The following UNC13C variants were observed in gnomAD, a reference collection of about 807,000 sequenced individuals.
UNC13C encodes the protein protein unc-13 homolog C.
Under a neutral mutation model 245.4 loss-of-function variants are expected in UNC13C, and 174 were observed. The ratio of observed to expected loss-of-function variants is 0.71; its 90% CI spans 0.63 to 0.80. The LOEUF is 0.80. UNC13C is among the 30% of genes least tolerant of loss of function. The probability of loss-of-function intolerance (pLI) is 0.00; values close to 1 mark genes in which losing one functional copy is unlikely to be tolerated. For synonymous variants in UNC13C, 992 were observed against 895.1 expected (o/e 1.11, Z -1.93); for missense variants, 2,829 against 2,602.9 (o/e 1.09, Z -1.89).
intron 2 of UNC13C, among the ~76,000 whole-genome samples, chr15:54,127,713 A>G (rs58011781): frequency 0.016 from 2,286 of 143,504 alleles, 60 homozygotes; most frequent in African/African-American, 0.056. Context: ...GTGTGTGTGT[A>G]TATATATATA....
intron 4 of UNC13C, among the ~76,000 whole-genome samples, chr15:54,145,198 G>A (rs905416680): frequency 6.6e-6 from 1 of 151,738 alleles, no homozygotes; most frequent in Non-Finnish European, 1.5e-5. Flanking sequence ...AAAATTTAGA[G>A]GCATGTTTTA....
At chr15:53,948,997 C>T in the UNC13C span, among the ~76,000 whole-genome samples, 1 of 152,142 alleles carries the variant, frequency 6.6e-6, no homozygotes, top group African/African-American at 2.4e-5. Flanking sequence ...ATTTATTGTG[C>T]TAGGCCCTGT....
At chr15:54,027,814 A>G (rs1170825701) in intron 2 of UNC13C, among the ~76,000 whole-genome samples, 12 of 148,390 alleles carry the variant, frequency 8.1e-5, no homozygotes, top group Admixed American at 3.4e-4. Context: ...GCTTTTCAGC[A>G]TCTGAATTCC....
intron 22 of UNC13C, among the ~76,000 whole-genome samples, chr15:54,505,447 A>G (rs1338321414): frequency 2.0e-5 from 3 of 152,204 alleles, no homozygotes; most frequent in Non-Finnish European, 4.4e-5. Context: ...TTAGGATAGG[A>G]CCAAATAATG....
intron 31 of UNC13C, among the ~76,000 whole-genome samples, chr15:54,622,990 G>T (rs1186045098): frequency 6.6e-6 from 1 of 152,044 alleles, no homozygotes; most frequent in Non-Finnish European, 1.5e-5. Context: ...ATTACATATT[G>T]TATCTTTACA....
intron 10 of UNC13C, among the ~76,000 whole-genome samples, chr15:54,291,583 A>G (rs2037300804): frequency 6.6e-6 from 1 of 151,988 alleles, no homozygotes; most frequent in Non-Finnish European, 1.5e-5. Flanking sequence ...TCTTATAGCT[A>G]ATATGGATGA....
intron 17 of UNC13C, among the ~76,000 whole-genome samples, chr15:54,339,559 T>C (rs997435857): frequency 1.3e-5 from 2 of 152,142 alleles, no homozygotes; most frequent in South Asian, 2.1e-4. Context: ...AGAATAATAG[T>C]CTTCAGTTCT....
intron 10 of UNC13C, among the ~76,000 whole-genome samples, chr15:54,267,882 A>G (rs1425064605): frequency 6.6e-6 from 1 of 151,994 alleles, no homozygotes; most frequent in African/African-American, 2.4e-5. Context: ...GCTCTACTTG[A>G]ATACATATTA....
intron 20 of UNC13C, among the ~76,000 whole-genome samples, chr15:54,495,712 T>C (rs1006705867): frequency 2.0e-5 from 3 of 152,026 alleles, no homozygotes; most frequent in Admixed American, 6.6e-5. Context: ...TGAGCTAGAT[T>C]GTTATAAATA....
At chr15:54,439,480 A>T (rs1890397238) in intron 19 of UNC13C, among the ~76,000 whole-genome samples, 1 of 151,992 alleles carries the variant, frequency 6.6e-6, no homozygotes, top group Non-Finnish European at 1.5e-5. Flanking sequence ...TTGCTCAATT[A>T]TAATAGAAAT....
chr15:54,318,841 C>A (rs1164516407), intron 13 of UNC13C, among the ~76,000 whole-genome samples: 3 of 151,830 alleles, frequency 2.0e-5, no homozygotes, highest in Non-Finnish European at 4.4e-5. Flanking sequence ...TCATTTTTTA[C>A]ATAAATCTTT....
At chr15:54,409,484 T>C (rs1222644313) in intron 18 of UNC13C, among the ~76,000 whole-genome samples, 1 of 152,128 alleles carries the variant, frequency 6.6e-6, no homozygotes, top group African/African-American at 2.4e-5. Context: ...ACCCAGATGA[T>C]AAGCATAGTA....
intron 17 of UNC13C, among the ~76,000 whole-genome samples, chr15:54,354,632 A>G (rs2039053736): frequency 6.6e-6 from 1 of 152,156 alleles, no homozygotes; most frequent in South Asian, 2.1e-4. Context: ...CTTTTTGGCC[A>G]CACAGCTTCT....
At chr15:54,298,030 T>A (rs1474394347) in intron 12 of UNC13C, 104 bp downstream of exon 12, 3 of 802,712 alleles carry the variant, frequency 3.7e-6, no homozygotes, top group Non-Finnish European at 6.0e-6. Context: ...TGTAGAGTGG[T>A]TCCTGGAGTT....
intron 2 of UNC13C, among the ~76,000 whole-genome samples, chr15:54,099,464 C>A (rs762864424): frequency 1.3e-5 from 2 of 152,168 alleles, no homozygotes; most frequent in African/African-American, 2.4e-5. Context: ...TGCTGTATTT[C>A]TTCAATACAT....
chr15:54,312,963 C>T (rs2037914226), intron 13 of UNC13C, among the ~76,000 whole-genome samples: 1 of 151,766 alleles, frequency 6.6e-6, no homozygotes, highest in African/African-American at 2.4e-5. Context: ...CCTTAATTTC[C>T]AATACGGTTG....
At chr15:54,426,785 GT>G (rs927544033) in intron 19 of UNC13C, among the ~76,000 whole-genome samples, 65 of 151,884 alleles carry the variant, frequency 4.3e-4, no homozygotes, top group African/African-American at 1.5e-3. Flanking sequence ...CTGAGCAATT[GT>G]TTTGTCAACT....
At position 54,297,863 on chromosome 15, in the gene UNC13C, T is replaced by C. The variant is rs1318025316; in HGVS notation, c.4041T>C (p.Asn1347=). ...CTGGGGCCATACGATTGAAAATCAA[T>C]GTGGAGATAAAAGGAGAAGAGAAGG... ...AVSGAIRLKI[N]VEIKGEEKVA... is the part of the protein sequence containing the mutation. The change falls in exon 12 of 33, where the codon AAT becomes AAC. Residue 1347 remains asparagine, a synonymous_variant. Coordinates refer to ENST00000260323, the MANE Select transcript of UNC13C (RefSeq NM_001080534.3). 6.2e-7 allele frequency: 1 copy of C among 1,611,338 alleles called. No individual in the cohort carries two copies. Among genetic ancestry groups the C allele is most frequent in the South Asian group, 1.1e-5 (1 of 90,106 alleles).
rs752836488 is a variant in UNC13C, at chr15:54,264,264, G to A, written c.3545G>A (p.Arg1182Gln). Residue 1182 changes from arginine to glutamine, a missense_variant, in exon 9 of 33, where the codon CGG becomes CAG. By Grantham distance (43) the Arg-to-Gln change is conservative. Transcript: ENST00000260323. ...AGAATGAAGATCAGGGAGAAAAACC[G>A]GCCAGAAGTATTTGAAGTAATCCAG... ...KERMKIREKN[R>Q]PEVFEVIQEM... is the part of the protein sequence containing the mutation. The A allele has an allele frequency of 6.9e-6, 11 of 1,598,754 alleles. No homozygotes were observed. The highest frequency in any genetic ancestry group is 4.5e-5 in the East Asian group (2 of 44,486).
Sources: allele counts gnomAD v4.1 joint callset (sites outside exome capture counted in the v4.1 genomes callset), GRCh38; gene constraint gnomAD v4.1.1; transcripts MANE v1.5; gene names NCBI Gene and HGNC (gene_info 2026-07-23, HGNC 2026-07-21).